Variants in NDUFA10 observed in about 807,000 individuals in gnomAD.
NDUFA10 encodes NADH dehydrogenase [ubiquinone] 1 alpha subcomplex subunit 10, mitochondrial.
In NDUFA10, 40 loss-of-function variants were observed where a neutral mutation model predicts 47.8. The ratio of observed to expected loss-of-function variants is 0.84; its 90% CI spans 0.65 to 1.09. NDUFA10 has a LOEUF of 1.09. Ranked by LOEUF, NDUFA10 falls within the 50% of genes least tolerant of loss-of-function variation. The pLI is 0.00. For missense variants in NDUFA10, 413 were observed against 451.1 expected, an observed-to-expected ratio of 0.92 and a Z score of 0.76; for synonymous variants, 183 against 172.2, an observed-to-expected ratio of 1.06 and a Z score of -0.49.
chr2:239,990,234 T>C, intron 8 of NDUFA10, 52 bp from the exon 9 acceptor site: 4 of 1,439,804 alleles, frequency 2.8e-6, no homozygotes, highest in Non-Finnish European at 3.9e-6. Context: ...ATAAATACAA[T>C]AAAAGAAGTG....
chr2:239,957,291 C>A (rs1220435554), downstream of NDUFA10: 1 of 152,252 alleles, frequency 6.6e-6, no homozygotes, highest in Non-Finnish European at 1.5e-5. Context: ...AGAAAACCCA[C>A]ATGACCACGC....
intron 6 of NDUFA10, among the ~76,000 whole-genome samples, chr2:240,007,713 A>G (rs1198132874): frequency 6.6e-6 from 1 of 152,232 alleles, no homozygotes; most frequent in Non-Finnish European, 1.5e-5. Context: ...GCAGCTGCAC[A>G]TACCATCGCC....
At chr2:239,920,147 C>T (rs1437952910) in intron 4 of NDUFA10, among the ~76,000 whole-genome samples, 1 of 152,210 alleles carries the variant, frequency 6.6e-6, no homozygotes, top group African/African-American at 2.4e-5. Flanking sequence ...GGTGGGGCCC[C>T]ATGATGGGAC....
At chr2:239,900,281 CGT>C (rs1312128179) in intron 4 of NDUFA10, among the ~76,000 whole-genome samples, 1 of 115,586 alleles carries the variant, frequency 8.7e-6, no homozygotes, top group Non-Finnish European at 1.9e-5. Flanking sequence ...ACCTTGTGAT[CGT>C]GTGAGTCAAT....
rs77556261 is a variant in NDUFA10, at chr2:239,904,849, C to A, written c.295-9535G>T. ...GGAGACTTCTAGGGGAGGGTCCCTCCTGCCTCGTCCAGTGTCTGGTGACTC... is the reference window on the plus strand; with the variant it reads ...GGAGACTTCTAGGGGAGGGTCCCTCATGCCTCGTCCAGTGTCTGGTGACTC... On this transcript the variant is annotated intron_variant, in intron 4 of 5. Coordinates refer to the NDUFA10 transcript ENST00000419408. Among the ~76,000 whole-genome samples the A allele has an allele frequency of 5.3e-3, 813 of 152,312 alleles. 22 individuals are homozygous for A. In the East Asian group the frequency reaches 0.073, roughly 14 times the overall value.
At chr2:239,984,095 T>C (rs370173854) in intron 9 of NDUFA10, among the ~76,000 whole-genome samples, 1 of 152,040 alleles carries the variant, frequency 6.6e-6, no homozygotes, top group Non-Finnish European at 1.5e-5. Flanking sequence ...TAGCTGGGCA[T>C]GGTAGCAGGC....
downstream of NDUFA10, among the ~76,000 whole-genome samples, chr2:239,956,224 C>T (rs561438890): frequency 3.3e-5 from 5 of 152,256 alleles, no homozygotes; most frequent in African/African-American, 1.2e-4. Flanking sequence ...GGAGGTGGGG[C>T]CGGTCATCCC....
chr2:240,015,829 G>A (rs1229747121), intron 4 of NDUFA10, among the ~76,000 whole-genome samples: 1 of 152,190 alleles, frequency 6.6e-6, no homozygotes, highest in Non-Finnish European at 1.5e-5. Context: ...AGATGGCCAT[G>A]CTAGGGTCCA....
At chr2:239,970,951 T>C (rs1212946231) in intron 9 of NDUFA10, among the ~76,000 whole-genome samples, 2 of 152,280 alleles carry the variant, frequency 1.3e-5, no homozygotes, top group East Asian at 3.8e-4. Flanking sequence ...AGAAAGTTCC[T>C]ATCCAGGGTT....
intron 4 of NDUFA10, among the ~76,000 whole-genome samples, chr2:239,904,831 T>A (rs1304106168): frequency 6.6e-6 from 1 of 152,184 alleles, no homozygotes; most frequent in African/African-American, 2.4e-5. Context: ...CCTGGAGACT[T>A]CTAGGGGAGG....
At chr2:239,961,267 C>A (rs1694843578) in intron 9 of NDUFA10, 81 bp from the exon 10 acceptor site, 1 of 1,605,584 alleles carries the variant, frequency 6.2e-7, no homozygotes, top group Non-Finnish European at 8.5e-7. Flanking sequence ...GTCTACCCGG[C>A]AGATGCCTGT....
intron 4 of NDUFA10, among the ~76,000 whole-genome samples, chr2:239,937,629 T>C (rs1338136873): frequency 6.6e-6 from 1 of 152,216 alleles, no homozygotes; most frequent in African/African-American, 2.4e-5. Context: ...TTTTGGCTAT[T>C]GTGAATAATG....
intron 9 of NDUFA10, among the ~76,000 whole-genome samples, chr2:239,980,163 C>A (rs1695711635): frequency 6.6e-6 from 1 of 152,198 alleles, no homozygotes; most frequent in African/African-American, 2.4e-5. Flanking sequence ...AGGTGAGCTG[C>A]ATGAGGGCAG....
chr2:239,903,852 G>A (rs1253977455), intron 4 of NDUFA10, among the ~76,000 whole-genome samples: 1 of 152,208 alleles, frequency 6.6e-6, no homozygotes, highest in Admixed American at 6.5e-5. Context: ...CTGAGAGTGG[G>A]GTAGAGAAGG....
At chr2:239,916,409 C>G (rs1693881362) in intron 4 of NDUFA10, among the ~76,000 whole-genome samples, 1 of 151,790 alleles carries the variant, frequency 6.6e-6, no homozygotes, top group Admixed American at 6.6e-5. Flanking sequence ...CAAACACACA[C>G]AGTAGCGCAC....
chr2:240,021,302 C>T lies in NDUFA10; in HGVS notation c.355G>A (p.Asp119Asn), dbSNP rs778528583. 102 of 1,614,064 alleles carry T rather than the reference C, an allele frequency of 6.3e-5. No homozygotes were observed. The highest frequency in any genetic ancestry group is 8.0e-5 in the African/African-American group (6 of 74,930). The stretch of plus-strand genomic sequence containing the variant: ...TTGCCATCATTGCTTCTCGGATCAT[C>T]GTAAAATTTCTCCAAACTACAGTTG... ...NGNCSLEKFY[D>N]DPRSNDGNSY... is the part of the protein sequence containing the mutation. Residue 119 changes from aspartate (D) to asparagine (N), a missense_variant, in exon 3 of 10, where the codon GAT (aspartate) becomes AAT (asparagine). Coordinates refer to ENST00000252711, the MANE Select transcript of NDUFA10 (RefSeq NM_004544.4).
intron 3 of NDUFA10, among the ~76,000 whole-genome samples, chr2:240,020,504 C>T (rs114343152): frequency 1.4e-3 from 220 of 152,278 alleles, no homozygotes; most frequent in African/African-American, 5.2e-3. Context: ...TACAGTAACC[C>T]GTCGCTGGAC....
intron 8 of NDUFA10, among the ~76,000 whole-genome samples, chr2:240,004,649 C>CTCTCCTAGTCCTGCTCCATT (rs1696874941): frequency 3.3e-5 from 5 of 152,086 alleles, no homozygotes; most frequent in African/African-American, 1.2e-4. Flanking sequence ...GCCTCCCCTC[C>CTCTCCTAGTCCTGCTCCATT]CCACACTTTT....
At position 239,990,120 on chromosome 2, in the gene NDUFA10, G is replaced by T; in HGVS notation, c.953C>A (p.Thr318Asn). ...TSIPIFLPEV[T>N]IGAHQTDRVL... The stretch of plus-strand genomic sequence containing the variant: ...ACGGTCAGTCTGATGAGCTCCAATG[G>T]TGACTTCCGGGAGAAAGATAGGAAT... The change falls in exon 9 of 10, where the codon ACC (threonine) becomes AAC (asparagine). Residue 318 changes from threonine to asparagine, a missense_variant. Coordinates refer to ENST00000252711, the MANE Select transcript of NDUFA10 (RefSeq NM_004544.4). The T allele has an allele frequency of 6.2e-7, 1 of 1,613,886 alleles. No individual in the cohort carries two copies. The highest frequency in any genetic ancestry group is 8.5e-7 in the Non-Finnish European group (1 of 1,179,858).
Sources: gnomAD v4.1 joint callset for allele counts (sites outside exome capture counted in the v4.1 genomes callset) on GRCh38, gnomAD v4.1.1 for gene constraint, MANE v1.5 for transcripts, NCBI Gene and HGNC (gene_info 2026-07-23, HGNC 2026-07-21) for gene names.